THSD4: variants seen among roughly 807,000 people sequenced by gnomAD.
THSD4 encodes thrombospondin type 1 domain containing 4.
A neutral mutation model predicts 119.0 loss-of-function variants in THSD4; 69 were observed. The ratio of observed to expected loss-of-function variants is 0.58; its 90% CI spans 0.48 to 0.71. The LOEUF is 0.71. Among genes scored for constraint, THSD4 ranks in the 30% least tolerant of loss-of-function variants. The pLI is 0.00. For synonymous variants in THSD4, 524 were observed against 540.4 expected (o/e 0.97, Z 0.42); for missense variants, 1,393 against 1,391.1 (o/e 1.00, Z -0.02).
At position 71,418,789 on chromosome 15, in the gene THSD4, G is replaced by A. The variant is rs749038673; in HGVS notation, c.1152+6966G>A. ...AATGTATGGTAAAATTCAGCAGTGA[G>A]GCTATTGGGTCCCAATCTTCTTTAG... On this transcript the variant is annotated intron_variant, in intron 7 of 17. Transcript: ENST00000261862. 1.5e-4 allele frequency among the ~76,000 whole-genome samples: 16 copies of A among 108,942 alleles called. 6 individuals carry two copies. The highest frequency in any genetic ancestry group is 3.2e-4 in the Non-Finnish European group (16 of 49,336). The allele number at this position is 108,942 out of a possible 152,430, so 71.5% of individuals were successfully genotyped here.
intron 8 of THSD4, among the ~76,000 whole-genome samples, chr15:71,714,218 A>G (rs2052565328): frequency 6.6e-6 from 1 of 152,168 alleles, no homozygotes. Context: ...AGTTTATATA[A>G]GCACTGAAAT....
intron 7 of THSD4, among the ~76,000 whole-genome samples, chr15:71,412,190 G>C (rs1421571520): frequency 6.6e-6 from 1 of 152,240 alleles, no homozygotes; most frequent in Non-Finnish European, 1.5e-5. Context: ...TTGGCGTCAT[G>C]AGGGTGGCAT....
chr15:71,588,719 C>T (rs2049739150), intron 7 of THSD4, among the ~76,000 whole-genome samples: 1 of 152,232 alleles, frequency 6.6e-6, no homozygotes, highest in South Asian at 2.1e-4. Context: ...TAGGCGTGAG[C>T]CACCACACCT....
intron 7 of THSD4, among the ~76,000 whole-genome samples, chr15:71,468,095 C>T (rs899160846): frequency 7.2e-5 from 11 of 152,124 alleles, no homozygotes; most frequent in African/African-American, 1.9e-4. Flanking sequence ...GTGATCCACC[C>T]GCCTCAGCCT....
chr15:71,491,271 A>G (rs556391154), intron 7 of THSD4, among the ~76,000 whole-genome samples: 7 of 152,248 alleles, frequency 4.6e-5, no homozygotes, highest in African/African-American at 1.7e-4. Context: ...CTATGGTTTG[A>G]GTGTTGATCC....
intron 7 of THSD4, among the ~76,000 whole-genome samples, chr15:71,426,921 G>A (rs2046877567): frequency 6.6e-6 from 1 of 152,074 alleles, no homozygotes; most frequent in Non-Finnish European, 1.5e-5. Context: ...ACAAAAGAAC[G>A]AGGTAGAAAT....
At chr15:71,357,498 C>T (rs2045833780) in intron 6 of THSD4, among the ~76,000 whole-genome samples, 1 of 152,182 alleles carries the variant, frequency 6.6e-6, no homozygotes, top group South Asian at 2.1e-4. Flanking sequence ...GCTGCAGCAG[C>T]CAAGAGCCAT....
chr15:71,738,144 G>C, intron 11 of THSD4, 137 bp downstream of exon 11: 1 of 1,210,944 alleles, frequency 8.3e-7, no homozygotes, highest in South Asian at 1.5e-5. Flanking sequence ...ATGGATGGTG[G>C]CGGGGTTGGG....
At chr15:71,367,217 CTTTT>C (rs565677357) in intron 6 of THSD4, among the ~76,000 whole-genome samples, 6 of 138,754 alleles carry the variant, frequency 4.3e-5, no homozygotes, top group East Asian at 2.5e-4. Flanking sequence ...GCTAGGCTCT[CTTTT>C]TTTTTTTTAT....
At chr15:71,366,341 T>C (rs938907131) in intron 6 of THSD4, among the ~76,000 whole-genome samples, 15 of 152,174 alleles carry the variant, frequency 9.9e-5, no homozygotes, top group Non-Finnish European at 1.5e-4. Flanking sequence ...CCCAAAGTGC[T>C]GGGAAACAGC....
At chr15:71,729,753 C>T (rs1311436171) in intron 9 of THSD4, 3 of 151,872 alleles carry the variant, frequency 2.0e-5, no homozygotes, top group East Asian at 1.9e-4. Flanking sequence ...ATTTCATAAA[C>T]GGGACAAGGT....
intron 1 of THSD4, among the ~76,000 whole-genome samples, chr15:71,102,336 TC>T (rs1184269070): frequency 1.3e-5 from 2 of 152,162 alleles, no homozygotes; most frequent in East Asian, 3.8e-4. Flanking sequence ...CTTTTTCTTT[TC>T]CTTCTAGGAG....
At chr15:71,250,353 C>T (rs1339434243) in intron 5 of THSD4, among the ~76,000 whole-genome samples, 2 of 152,148 alleles carry the variant, frequency 1.3e-5, no homozygotes, top group Admixed American at 1.3e-4. Flanking sequence ...TTTGTTTTTG[C>T]TTGAGTCAGG....
chr15:71,545,430 C>T (rs1327921737), intron 7 of THSD4, among the ~76,000 whole-genome samples: 1 of 152,152 alleles, frequency 6.6e-6, no homozygotes, highest in Non-Finnish European at 1.5e-5. Context: ...ACAGCTACAC[C>T]CATTCATGTG....
chr15:71,680,813 T>C (rs1458606031), intron 8 of THSD4, among the ~76,000 whole-genome samples: 3 of 152,108 alleles, frequency 2.0e-5, no homozygotes, highest in Non-Finnish European at 4.4e-5. Flanking sequence ...ATTTATCTCA[T>C]AGGGTTATTG....
chr15:71,555,055 A>G (rs1050835416), intron 7 of THSD4, among the ~76,000 whole-genome samples: 1 of 152,166 alleles, frequency 6.6e-6, no homozygotes, highest in East Asian at 1.9e-4. Flanking sequence ...TTTTATTTAT[A>G]ATATAATCAC....
At chr15:71,234,092 G>A (rs1567164678) in intron 4 of THSD4, among the ~76,000 whole-genome samples, 1 of 152,150 alleles carries the variant, frequency 6.6e-6, no homozygotes, top group Non-Finnish European at 1.5e-5. Flanking sequence ...ATACTCTGTG[G>A]AACCACAAAG....
chr15:71,521,795 A>G (rs987927030), intron 7 of THSD4, among the ~76,000 whole-genome samples: 1 of 152,186 alleles, frequency 6.6e-6, no homozygotes, highest in Admixed American at 6.5e-5. Flanking sequence ...CGAGTAATAG[A>G]CATGTGTTTA....
chr15:71,448,112 A>G (rs1253069857), intron 7 of THSD4, among the ~76,000 whole-genome samples: 2 of 152,232 alleles, frequency 1.3e-5, no homozygotes, highest in East Asian at 3.8e-4. Flanking sequence ...GGTCACAAGA[A>G]GATTTACTCT....
Sources: gnomAD v4.1 joint callset for allele counts (sites outside exome capture counted in the v4.1 genomes callset) on GRCh38, gnomAD v4.1.1 for gene constraint, MANE v1.5 for transcripts, NCBI Gene and HGNC (gene_info 2026-07-23, HGNC 2026-07-21) for gene names.